SYCP1: variants seen among roughly 807,000 people sequenced by gnomAD.
SYCP1 encodes the protein synaptonemal complex protein 1.
A neutral mutation model predicts 153.1 loss-of-function variants in SYCP1; 64 were observed. That is an observed-to-expected ratio of 0.42 (90% confidence interval 0.34 to 0.51). The LOEUF is 0.51. Among genes scored for constraint, SYCP1 ranks in the 20% least tolerant of loss-of-function variants. The probability of loss-of-function intolerance (pLI) is 0.06; values close to 1 mark genes in which losing one functional copy is unlikely to be tolerated. For synonymous variants in SYCP1, 384 were observed against 341.8 expected, an observed-to-expected ratio of 1.12 and a Z score of -1.36; for missense variants, 997 against 1,049.0, an observed-to-expected ratio of 0.95 and a Z score of 0.68.
chr1:114,890,052 C>G (rs932077993), intron 15 of SYCP1, among the ~76,000 whole-genome samples: 13 of 152,124 alleles, frequency 8.5e-5, no homozygotes, highest in African/African-American at 3.1e-4. Flanking sequence ...GATTTTCTCA[C>G]AGTAGAGCAA....
At chr1:114,958,787 G>A (rs1258319433) in intron 27 of SYCP1, among the ~76,000 whole-genome samples, 7 of 150,616 alleles carry the variant, frequency 4.6e-5, no homozygotes, top group East Asian at 3.9e-4. Flanking sequence ...AAAATTAGCC[G>A]GGCATGGTGG....
At chr1:114,889,220 C>A (rs1200032046) in intron 15 of SYCP1, among the ~76,000 whole-genome samples, 1 of 152,104 alleles carries the variant, frequency 6.6e-6, no homozygotes, top group Non-Finnish European at 1.5e-5. Flanking sequence ...GGTATATACC[C>A]AGTAATGGGA....
At chr1:114,981,083 G>A (rs925051445) in intron 28 of SYCP1, among the ~76,000 whole-genome samples, 2 of 151,814 alleles carry the variant, frequency 1.3e-5, no homozygotes, top group African/African-American at 4.8e-5. Context: ...CGACCTCCAG[G>A]ATATCTTATT....
intron 28 of SYCP1, among the ~76,000 whole-genome samples, chr1:114,979,659 T>G (rs1036802090): frequency 6.6e-6 from 1 of 151,812 alleles, no homozygotes; most frequent in Non-Finnish European, 1.5e-5. Flanking sequence ...TGTATAAATA[T>G]GTAGGGAAAA....
intron 27 of SYCP1, among the ~76,000 whole-genome samples, chr1:114,951,281 T>A (rs360678): frequency 0.5 from 75,314 of 151,784 alleles, 19,982 homozygotes; most frequent in Middle Eastern, 0.62. Context: ...AACAAAAACA[T>A]AAACAAAAAG....
chr1:114,992,675 T>C (rs193074906), intron 30 of SYCP1, among the ~76,000 whole-genome samples: 190 of 151,622 alleles, frequency 1.3e-3, no homozygotes, highest in Non-Finnish European at 2.2e-3. Flanking sequence ...GCTAAAACTA[T>C]AAAACTATAG....
intron 8 of SYCP1, among the ~76,000 whole-genome samples, chr1:114,864,562 C>A (rs1381833677): frequency 2.0e-5 from 3 of 152,012 alleles, no homozygotes; most frequent in Admixed American, 2.0e-4. Context: ...CATCTTGGCT[C>A]ACCATAACCC....
At chr1:114,956,312 C>T (rs1322537295) in intron 27 of SYCP1, among the ~76,000 whole-genome samples, 1 of 152,244 alleles carries the variant, frequency 6.6e-6, no homozygotes, top group East Asian at 1.9e-4. Context: ...CCTGTCTGTG[C>T]AGGGCCCTGC....
chr1:114,967,136 A>G (rs1480150537), intron 27 of SYCP1, among the ~76,000 whole-genome samples: 1 of 152,208 alleles, frequency 6.6e-6, no homozygotes, highest in African/African-American at 2.4e-5. Flanking sequence ...GGTGCTGAGA[A>G]GAATGTATAT....
At chr1:114,930,835 T>C (rs987562981) in intron 23 of SYCP1, among the ~76,000 whole-genome samples, 1 of 151,840 alleles carries the variant, frequency 6.6e-6, no homozygotes, top group African/African-American at 2.4e-5. Flanking sequence ...CCAATATCCC[T>C]ATGAATATGA....
intron 27 of SYCP1, among the ~76,000 whole-genome samples, chr1:114,948,718 C>T (rs1670907224): frequency 6.6e-6 from 1 of 152,092 alleles, no homozygotes; most frequent in African/African-American, 2.4e-5. Flanking sequence ...TTCCCTTTAT[C>T]TGAGTACAGG....
chr1:114,983,619 T>C (rs1008604916), intron 29 of SYCP1, among the ~76,000 whole-genome samples: 1 of 152,028 alleles, frequency 6.6e-6, no homozygotes, highest in Non-Finnish European at 1.5e-5. Flanking sequence ...GAACGTGGGC[T>C]GTTATTCTTT....
chr1:114,857,136 CAAAAAA>C (rs71582509), intron 3 of SYCP1, 90 bp from the exon 4 acceptor site: 166 of 244,982 alleles, frequency 6.8e-4, no homozygotes, highest in Middle Eastern at 1.7e-3. Flanking sequence ...CTCTCTCTCT[CAAAAAA>C]AAAAAAAAAA....
Position 114,856,634 on chromosome 1 carries a change from A to G in SYCP1, c.170A>G (p.Lys57Arg). The G allele has an allele frequency of 6.2e-7, 1 of 1,612,202 alleles. No homozygotes were observed. Among genetic ancestry groups the G allele is most frequent in the Non-Finnish European group, 8.5e-7 (1 of 1,179,214 alleles). ...CCATTTGCAAAGACTAATCTCTCCA[A>G]AAATGGGGAAAACATTGATTCAGGT... The part of the protein sequence containing the change: ...EFPFAKTNLS[K>R]NGENIDSDPA... The change falls in exon 3 of 32, where the codon AAA becomes AGA. Residue 57 changes from lysine (K) to arginine (R), a missense_variant. Transcript: ENST00000369522.
At chr1:114,931,968 A>C (rs1408236853) in intron 23 of SYCP1, among the ~76,000 whole-genome samples, 1 of 152,212 alleles carries the variant, frequency 6.6e-6, no homozygotes, top group Non-Finnish European at 1.5e-5. Context: ...GAGAAATGAA[A>C]GTCTTTCAAC....
chr1:114,862,561 G>A (rs1188910402), intron 8 of SYCP1, among the ~76,000 whole-genome samples: 1 of 151,872 alleles, frequency 6.6e-6, no homozygotes, highest in Non-Finnish European at 1.5e-5. Context: ...TGTTGGCCAG[G>A]ATGGTCTCGA....
rs1049315201 is a variant in SYCP1 at position 114,860,923 on chromosome 1, T to C, written c.598+114T>C. 4.4e-6 allele frequency: 3 copies of C among 688,518 alleles called. No individual in the cohort carries two copies. In the Admixed American group the frequency reaches 1.0e-4, roughly 24 times the overall value. 42.7% of individuals were successfully genotyped at this position (688,518 alleles called of 1,614,324 possible). On this transcript the variant is annotated intron_variant, in intron 8 of 31. Coordinates refer to ENST00000369522, the MANE Select transcript of SYCP1 (RefSeq NM_003176.4). ...GAACCAATTTGATTTGAACAAATTA[T>C]ATGTGCCTCAGACTATTTTTATATA... is the stretch of plus-strand genomic sequence containing the variant.
chr1:114,919,531 T>G (rs1013053015), intron 20 of SYCP1, among the ~76,000 whole-genome samples: 1 of 152,002 alleles, frequency 6.6e-6, no homozygotes, highest in Non-Finnish European at 1.5e-5. Flanking sequence ...TGAGTTTAGC[T>G]ATATTCCCTC....
intron 27 of SYCP1, among the ~76,000 whole-genome samples, chr1:114,960,566 A>G (rs114071836): frequency 0.023 from 3,495 of 152,230 alleles, 55 homozygotes; most frequent in South Asian, 0.035. Flanking sequence ...CCTCGTCAGC[A>G]TTTGTTATTG....
Sources: gnomAD v4.1 joint callset for allele counts (sites outside exome capture counted in the v4.1 genomes callset) on GRCh38, gnomAD v4.1.1 for gene constraint, MANE v1.5 for transcripts, NCBI Gene and HGNC (gene_info 2026-07-23, HGNC 2026-07-21) for gene names.